Variants in VIPR2 observed in about 807,000 individuals in gnomAD.
VIPR2 encodes vasoactive intestinal peptide receptor 2, also known as vasoactive intestinal polypeptide receptor 2.
A neutral mutation model predicts 58.0 loss-of-function variants in VIPR2; 48 were observed. The ratio of observed to expected loss-of-function variants is 0.83; its 90% CI spans 0.66 to 1.05. The LOEUF is 1.05. Ranked by LOEUF, VIPR2 falls within the 50% of genes least tolerant of loss-of-function variation. The pLI is 0.00. For missense variants in VIPR2, 534 were observed against 558.0 expected, an observed-to-expected ratio of 0.96 and a Z score of 0.43; for synonymous variants, 243 against 235.2, an observed-to-expected ratio of 1.03 and a Z score of -0.30.
At chr7:159,086,806 G>A (rs1298566353) in intron 4 of VIPR2, among the ~76,000 whole-genome samples, 1 of 152,240 alleles carries the variant, frequency 6.6e-6, no homozygotes, top group Non-Finnish European at 1.5e-5. Context: ...TCCTCAGTGA[G>A]TAGCTGATAC....
At chr7:159,144,659 C>T in intron 1 of VIPR2, 62 bp downstream of exon 1, 3 of 1,374,778 alleles carry the variant, frequency 2.2e-6, no homozygotes, top group South Asian at 3.4e-5. Context: ...GAGGAGCGCT[C>T]TTCTCGGAAG....
chr7:159,034,739 C>G, intron 8 of VIPR2, 89 bp from the exon 9 acceptor site: 4 of 1,036,242 alleles, frequency 3.9e-6, no homozygotes, highest in Non-Finnish European at 6.1e-6. Context: ...TCCCAACTTG[C>G]CCACTCCCCT....
At chr7:159,104,189 G>T (rs1174920715) in intron 3 of VIPR2, among the ~76,000 whole-genome samples, 4 of 152,170 alleles carry the variant, frequency 2.6e-5, no homozygotes, top group Non-Finnish European at 4.4e-5. Flanking sequence ...GATATTTATA[G>T]CCAAGCCCTG....
At chr7:159,035,435 T>G (rs1429144552) in intron 8 of VIPR2, among the ~76,000 whole-genome samples, 1 of 152,246 alleles carries the variant, frequency 6.6e-6, no homozygotes, top group Non-Finnish European at 1.5e-5. Context: ...GGGTAACTGA[T>G]GCACACTGAG....
At chr7:159,116,639 G>A (rs1169538899) in intron 2 of VIPR2, among the ~76,000 whole-genome samples, 1 of 152,188 alleles carries the variant, frequency 6.6e-6, no homozygotes, top group African/African-American at 2.4e-5. Context: ...GCAGCCTTCC[G>A]ACATTTCTGA....
At chr7:159,088,041 A>G (rs939108203) in intron 4 of VIPR2, among the ~76,000 whole-genome samples, 9 of 152,196 alleles carry the variant, frequency 5.9e-5, no homozygotes, top group East Asian at 1.9e-4. Context: ...GGGGGCCCCA[A>G]TCGGTGCCCA....
At chr7:159,116,145 G>A (rs1563341953) in intron 2 of VIPR2, among the ~76,000 whole-genome samples, 3 of 152,178 alleles carry the variant, frequency 2.0e-5, no homozygotes, top group Non-Finnish European at 2.9e-5. Context: ...AGCCCTGGTC[G>A]GAAAGGCTGC....
intron 3 of VIPR2, among the ~76,000 whole-genome samples, chr7:159,107,363 G>A (rs1004076426): frequency 2.6e-5 from 4 of 152,228 alleles, no homozygotes; most frequent in Non-Finnish European, 5.9e-5. Flanking sequence ...CATGGGGCAT[G>A]AACAGCAGCT....
chr7:159,133,614 A>G (rs1310397345), intron 2 of VIPR2, among the ~76,000 whole-genome samples: 2 of 152,240 alleles, frequency 1.3e-5, no homozygotes, highest in African/African-American at 2.4e-5. Flanking sequence ...CAGGGCTACA[A>G]TTTGAGAACA....
intron 4 of VIPR2, among the ~76,000 whole-genome samples, chr7:159,092,416 TCTC>T (rs1404900087): frequency 1.3e-5 from 2 of 152,170 alleles, no homozygotes; most frequent in Admixed American, 6.5e-5. Flanking sequence ...TCTGGGATTT[TCTC>T]CTCAAGATGA....
rs141933199 is a variant in VIPR2 at position 159,096,100 on chromosome 7, G to T, written c.357+7657C>A. On this transcript the variant is annotated intron_variant, in intron 4 of 12. Transcript: ENST00000262178. The surrounding 1 kb of genome is among the most constrained non-coding windows in gnomAD (Gnocchi z 5.5). ...TGGGTGCCCAAGCTGAACATCTGCC[G>T]CCCACATACAGACCTCCCCTTAAGG... 2.9e-3 allele frequency among the ~76,000 whole-genome samples: 445 copies of T among 152,186 alleles called. 3 individuals are homozygous for T. The highest frequency in any genetic ancestry group is 8.4e-3 in the African/African-American group (348 of 41,522).
At chr7:159,064,589 G>A (rs1855976921) in intron 4 of VIPR2, among the ~76,000 whole-genome samples, 1 of 152,176 alleles carries the variant, frequency 6.6e-6, no homozygotes, top group Non-Finnish European at 1.5e-5. Flanking sequence ...GTTGTCAGCA[G>A]CAGGAGTACA....
chr7:159,132,992 G>GGAGGACTCCA (rs1797032606), intron 2 of VIPR2, among the ~76,000 whole-genome samples: 1 of 147,854 alleles, frequency 6.8e-6, no homozygotes, highest in African/African-American at 2.5e-5. Context: ...ATTTTAGACA[G>GGAGGACTCCA]AATGATTGGC....
chr7:159,136,856 C>A lies in VIPR2; in HGVS notation c.151+5590G>T, dbSNP rs866778048. 5.3e-5 allele frequency among the ~76,000 whole-genome samples: 8 copies of A among 152,282 alleles called. No homozygotes were observed. In the South Asian group the frequency reaches 1.7e-3, roughly 32 times the overall value. On this transcript the variant is annotated intron_variant, in intron 2 of 12. Coordinates refer to ENST00000262178, the MANE Select transcript of VIPR2 (RefSeq NM_003382.5). ...TGTGGCCATGTGGAGAAGCAGCCGC[C>A]ACTCGTCACCAACCCCCACCAGCAG...
chr7:159,111,328 C>T (rs532438992), intron 2 of VIPR2, among the ~76,000 whole-genome samples: 1 of 152,286 alleles, frequency 6.6e-6, no homozygotes, highest in African/African-American at 2.4e-5. Flanking sequence ...CTGGCAGTTT[C>T]GTGTCTGGTT....
At chr7:159,086,236 A>G (rs941690161) in intron 4 of VIPR2, among the ~76,000 whole-genome samples, 1 of 152,246 alleles carries the variant, frequency 6.6e-6, no homozygotes, top group African/African-American at 2.4e-5. Flanking sequence ...GGGTGGTTCC[A>G]TCTTAAGAAT....
intron 6 of VIPR2, among the ~76,000 whole-genome samples, chr7:159,041,044 G>A (rs1854295583): frequency 6.6e-6 from 1 of 152,214 alleles, no homozygotes; most frequent in Admixed American, 6.5e-5. Flanking sequence ...GGCATCGTGG[G>A]GCCCCACATG....
intron 4 of VIPR2, among the ~76,000 whole-genome samples, chr7:159,070,285 C>T (rs568764174): frequency 3.2e-4 from 49 of 152,244 alleles, no homozygotes; most frequent in African/African-American, 1.1e-3. Context: ...CGGAGGACTC[C>T]GCACACGACC....
At chr7:159,103,253 T>C (rs974055959) in intron 4 of VIPR2, among the ~76,000 whole-genome samples, 34 of 152,192 alleles carry the variant, frequency 2.2e-4, no homozygotes, top group African/African-American at 7.5e-4. Context: ...GGACCCCTGC[T>C]CCCAGACACC....
Sources: gnomAD v4.1 joint callset for allele counts (sites outside exome capture counted in the v4.1 genomes callset) on GRCh38, gnomAD v4.1.1 for gene constraint, Gnocchi (gnomAD v3.1) non-coding constraint, MANE v1.5 for transcripts, NCBI Gene and HGNC (gene_info 2026-07-23, HGNC 2026-07-21) for gene names.